Variants in DNAJC6 observed in about 807,000 individuals in gnomAD.
DNAJC6 encodes DnaJ heat shock protein family (Hsp40) member C6, also known as auxilin.
In DNAJC6, 34 loss-of-function variants were observed where a neutral mutation model predicts 110.0. The ratio of observed to expected loss-of-function variants is 0.31; its 90% confidence interval spans 0.24 to 0.41. DNAJC6 has a LOEUF of 0.41. DNAJC6 is among the 10% of genes least tolerant of loss of function. DNAJC6 has a pLI of 1.00. For missense variants in DNAJC6, 1,031 were observed against 1,207.8 expected, an observed-to-expected ratio of 0.85 and a Z score of 2.17; for synonymous variants, 406 against 437.2, an observed-to-expected ratio of 0.93 and a Z score of 0.89.
intron 1 of DNAJC6, among the ~76,000 whole-genome samples, chr1:65,283,035 C>G (rs1557496692): frequency 1.3e-5 from 2 of 152,216 alleles, no homozygotes; most frequent in East Asian, 3.9e-4. Context: ...CAATGATATC[C>G]TATGCATCCT....
intron 1 of DNAJC6, among the ~76,000 whole-genome samples, chr1:65,361,154 A>G (rs1383920547): frequency 6.6e-6 from 1 of 152,166 alleles, no homozygotes; most frequent in Admixed American, 6.5e-5. Flanking sequence ...CCATTGCTTC[A>G]TCTGTAAACT....
intron 1 of DNAJC6, among the ~76,000 whole-genome samples, chr1:65,339,474 T>C (rs1448841488): frequency 6.6e-6 from 1 of 152,222 alleles, no homozygotes; most frequent in African/African-American, 2.4e-5. Context: ...GTGTACATTA[T>C]AGGGCTGTAA....
At chr1:65,338,043 G>A (rs1372643380) in intron 1 of DNAJC6, among the ~76,000 whole-genome samples, 6 of 152,080 alleles carry the variant, frequency 3.9e-5, no homozygotes, top group African/African-American at 1.4e-4. Context: ...CTTAGAATCA[G>A]CCACTTTTTC....
intron 4 of DNAJC6, among the ~76,000 whole-genome samples, chr1:65,373,745 C>T (rs544890802): frequency 5.1e-4 from 77 of 151,830 alleles, no homozygotes; most frequent in South Asian, 1.7e-3. Flanking sequence ...CTCTTCACTT[C>T]GTTGATTGTT....
chr1:65,375,972 C>T (rs938834847), intron 4 of DNAJC6, among the ~76,000 whole-genome samples: 1 of 152,074 alleles, frequency 6.6e-6, no homozygotes, highest in Admixed American at 6.5e-5. Context: ...AATATTCATT[C>T]TTTTTTAAAT....
At chr1:65,402,959 T>A (rs770275357) in intron 15 of DNAJC6, among the ~76,000 whole-genome samples, 1 of 152,232 alleles carries the variant, frequency 6.6e-6, no homozygotes, top group Non-Finnish European at 1.5e-5. Flanking sequence ...ATGCATTTAA[T>A]GCATTGATTC....
Position 65,324,107 on chromosome 1 carries a change from A to C in DNAJC6, c.193+14169A>C, listed in dbSNP as rs148214278. Among the ~76,000 whole-genome samples the C allele has an allele frequency of 5.1e-3, 772 of 152,234 alleles. 5 individuals carry two copies. The highest frequency in any genetic ancestry group is 0.018 in the African/African-American group (746 of 41,548). ...GTGGAGAATTTTCTCTCTTCAGTTTACAAGGCACTGAGCCTTGTCTTTGTT... is the reference window on the plus strand; with the variant it reads ...GTGGAGAATTTTCTCTCTTCAGTTTCCAAGGCACTGAGCCTTGTCTTTGTT... On this transcript the variant is annotated intron_variant, in intron 1 of 18. Coordinates refer to ENST00000371069, the MANE Select transcript of DNAJC6 (RefSeq NM_001256864.2).
intron 1 of DNAJC6, among the ~76,000 whole-genome samples, chr1:65,342,185 C>A (rs1325713017): frequency 2.0e-5 from 3 of 151,322 alleles, no homozygotes; most frequent in Non-Finnish European, 4.4e-5. Context: ...TGGAGTGAGA[C>A]AGACCTAGGG....
At chr1:65,348,487 G>T (rs1180987890) in intron 1 of DNAJC6, among the ~76,000 whole-genome samples, 1 of 152,084 alleles carries the variant, frequency 6.6e-6, no homozygotes, top group South Asian at 2.1e-4. Flanking sequence ...CATTTAGAAT[G>T]ATATGGAATA....
rs575644671 is a variant in DNAJC6 at position 65,352,913 on chromosome 1, C to A, written c.194-11722C>A. 9.2e-5 allele frequency among the ~76,000 whole-genome samples: 14 copies of A among 152,316 alleles called. No homozygotes were observed. In the South Asian group the frequency reaches 2.9e-3, roughly 32 times the overall value. On this transcript the variant is annotated intron_variant, in intron 1 of 18. Transcript: ENST00000371069. ...GTTGTTTGGGAAGACTGATAGAGTTCTCTCAGTTGCCCTTTGGTGCCTATA... is the reference window on the plus strand; with the variant it reads ...GTTGTTTGGGAAGACTGATAGAGTTATCTCAGTTGCCCTTTGGTGCCTATA...
At chr1:65,364,614 G>GTTTTT in intron 1 of DNAJC6, 21 bp from the exon 2 acceptor site, 31 of 1,424,440 alleles carry the variant, frequency 2.2e-5, no homozygotes, top group East Asian at 7.6e-5. Flanking sequence ...TTGTTTGTTT[G>GTTTTT]TTTTTTTTTT....
intron 16 of DNAJC6, among the ~76,000 whole-genome samples, chr1:65,407,457 G>A (rs917571199): frequency 3.3e-5 from 5 of 152,078 alleles, no homozygotes; most frequent in African/African-American, 9.7e-5. Context: ...GCTTATAAGC[G>A]ACAGAGCCAG....
At chr1:65,351,590 TTGAGTG>T (rs1172396069) in intron 1 of DNAJC6, among the ~76,000 whole-genome samples, 1 of 152,120 alleles carries the variant, frequency 6.6e-6, no homozygotes, top group African/African-American at 2.4e-5. Flanking sequence ...TGAGATCCCT[TTGAGTG>T]TGGTGTATGT....
chr1:65,389,109 A>T, intron 9 of DNAJC6, 147 bp from the exon 10 acceptor site: 1 of 713,864 alleles, frequency 1.4e-6, no homozygotes, highest in South Asian at 2.3e-5. Flanking sequence ...CAGAAAAGTA[A>T]AGTAACTTAT....
intron 1 of DNAJC6, among the ~76,000 whole-genome samples, chr1:65,361,628 G>A (rs1645598229): frequency 6.6e-6 from 1 of 152,174 alleles, no homozygotes; most frequent in Non-Finnish European, 1.5e-5. Flanking sequence ...TGGTAAAAAT[G>A]TAAAAGTCTG....
rs780977152 is a variant in DNAJC6, at chr1:65,392,449, C to T, written c.1487C>T (p.Ser496Leu). Residue 496 changes from serine to leucine, a missense_variant, in exon 12 of 19, where the codon TCA (serine) becomes TTA (leucine). By Grantham distance (145) the Ser-to-Leu change is moderately radical. Coordinates refer to ENST00000371069, the MANE Select transcript of DNAJC6 (RefSeq NM_001256864.2). ...TCCTCAGATCAGAAATCGGAGAAGTCATTCTGTGAGGAGGACCACGCTGCC... is the reference window on the plus strand; with the variant it reads ...TCCTCAGATCAGAAATCGGAGAAGTTATTCTGTGAGGAGGACCACGCTGCC... The part of the protein sequence containing the change: ...LCWQDQKSEK[S>L]FCEEDHAALV... 5.0e-6 allele frequency: 8 copies of T among 1,602,154 alleles called. No individual in the cohort carries two copies. The highest frequency in any genetic ancestry group is 6.8e-6 in the Non-Finnish European group (8 of 1,173,462).
chr1:65,300,311 G>A (rs1331851951), intron 1 of DNAJC6, among the ~76,000 whole-genome samples: 1 of 152,108 alleles, frequency 6.6e-6, no homozygotes, highest in Non-Finnish European at 1.5e-5. Context: ...CATGGTCCAA[G>A]TACCTGCTGG....
chr1:65,299,945 G>C (rs2101272437), intron 1 of DNAJC6, among the ~76,000 whole-genome samples: 1 of 151,652 alleles, frequency 6.6e-6, no homozygotes, highest in East Asian at 2.0e-4. Context: ...CCAGCCACTT[G>C]GGAGGCTGAG....
At chr1:65,405,405 G>A (rs1371143066) in intron 15 of DNAJC6, among the ~76,000 whole-genome samples, 1 of 152,176 alleles carries the variant, frequency 6.6e-6, no homozygotes, top group Non-Finnish European at 1.5e-5. Context: ...AGTTTAAGTA[G>A]CACCTTAATG....
Sources: allele counts gnomAD v4.1 joint callset (sites outside exome capture counted in the v4.1 genomes callset), GRCh38; gene constraint gnomAD v4.1.1; transcripts MANE v1.5; gene names NCBI Gene and HGNC (gene_info 2026-07-23, HGNC 2026-07-21).